The following BDP1 variants were observed in gnomAD, a reference collection of about 807,000 sequenced individuals.
BDP1 encodes the protein transcription factor TFIIIB component B'' homolog.
BDP1 carries 169 observed loss-of-function variants against 266.6 expected under a neutral mutation model. The observed-to-expected ratio is 0.63, with a 90% CI of 0.56 to 0.72. The LOEUF is 0.72. Ranked by LOEUF, BDP1 falls within the 30% of genes least tolerant of loss-of-function variation. BDP1 has a pLI of 0.00. For missense variants in BDP1, 3,015 were observed against 3,053.8 expected (o/e 0.99, Z 0.30); for synonymous variants, 1,090 against 1,022.4 (o/e 1.07, Z -1.26).
Position 71,512,222 on chromosome 5 carries a change from A to C in BDP1, c.4060-19A>C. On this transcript the variant is annotated intron_variant, in intron 17 of 38. Transcript: ENST00000358731. ...AATACTCTTTTATTTGTGCTGATTT[A>C]CTATGACTGTTCCTCTAGAACATTA... 1 of 1,335,644 alleles carries C rather than the reference A, an allele frequency of 7.5e-7. No homozygotes were observed. Among genetic ancestry groups the C allele is most frequent in the Non-Finnish European group, 9.9e-7 (1 of 1,012,426 alleles). The allele number at this position is 1,335,644 out of a possible 1,614,324, so 82.7% of individuals were successfully genotyped here. A position where few individuals can be genotyped will look rare whatever the true frequency, so the allele number is the denominator to read the frequency against.
intron 26 of BDP1, among the ~76,000 whole-genome samples, chr5:71,536,542 A>G (rs550254420): frequency 6.6e-6 from 1 of 152,342 alleles, no homozygotes; most frequent in East Asian, 1.9e-4. Flanking sequence ...CAATTCTGCT[A>G]AAAAACAACA....
rs1327624807 is a variant in BDP1 at position 71,524,640 on chromosome 5, A to T, written c.5772+317A>T. On this transcript the variant is annotated intron_variant, in intron 25 of 38. Coordinates refer to ENST00000358731, the MANE Select transcript of BDP1 (RefSeq NM_018429.3). The stretch of plus-strand genomic sequence containing the variant: ...TTTATTTTTTATTTATTTATTTTTT[A>T]TTTATTTTTTTTTATTGATCATTCT... Among the ~76,000 whole-genome samples, 20 of 115,788 alleles carry T rather than the reference A, an allele frequency of 1.7e-4. 1 individual carries two copies. The highest frequency in any genetic ancestry group is 4.2e-4 in the African/African-American group (14 of 33,322). The allele number at this position is 115,788 out of a possible 152,430, so 76.0% of individuals were successfully genotyped here.
Position 71,560,070 on chromosome 5 carries a change from T to C in BDP1, c.7329T>C (p.Ala2443=), listed in dbSNP as rs1162920441. 1 of 1,614,058 alleles carries C rather than the reference T, an allele frequency of 6.2e-7. No homozygotes were observed. The highest frequency in any genetic ancestry group is 8.5e-7 in the Non-Finnish European group (1 of 1,180,006). The change falls in exon 37 of 39, where the codon GCT becomes GCC. Residue 2443 remains alanine, a synonymous_variant. Coordinates refer to ENST00000358731, the MANE Select transcript of BDP1 (RefSeq NM_018429.3). ...PEPQRQQVEA[A]FQSRGSRSPD... is the part of the protein sequence containing the mutation. The stretch of plus-strand genomic sequence containing the variant: ...CTCAAAGACAGCAAGTTGAAGCAGC[T>C]TTTCAGAGTAGAGGATCTAGATCTC...
At chr5:71,482,643 C>T (rs1006523906) in intron 7 of BDP1, among the ~76,000 whole-genome samples, 1 of 151,976 alleles carries the variant, frequency 6.6e-6, no homozygotes, top group African/African-American at 2.4e-5. Context: ...ATTATATTAC[C>T]AATTAAGTAA....
chr5:71,507,599 A>T (rs1764651581), intron 16 of BDP1, among the ~76,000 whole-genome samples: 1 of 152,230 alleles, frequency 6.6e-6, no homozygotes, highest in South Asian at 2.1e-4. Context: ...AGTTTATTTT[A>T]TCTCTTCCCA....
intron 18 of BDP1, among the ~76,000 whole-genome samples, chr5:71,512,787 G>A (rs1764997726): frequency 6.6e-6 from 1 of 152,102 alleles, no homozygotes; most frequent in Non-Finnish European, 1.5e-5. Flanking sequence ...AAGTATGGTG[G>A]CTCACACCTG....
intron 19 of BDP1, among the ~76,000 whole-genome samples, chr5:71,514,506 A>G (rs1490335830): frequency 6.6e-6 from 1 of 152,142 alleles, no homozygotes; most frequent in African/African-American, 2.4e-5. Flanking sequence ...ATGGGAAGGT[A>G]TTTTTATTGT....
Position 71,516,101 on chromosome 5 carries a change from A to G in BDP1, c.4690A>G (p.Ser1564Gly). ...VNTFQQEMKESVIQTARQVRG... is the reference protein window; with the variant it reads ...VNTFQQEMKEGVIQTARQVRG... ...CACTTTCCAGCAAGAAATGAAGGAA[A>G]GTGTTATCCAAACTGCTCGACAAGT... The change falls in exon 21 of 39, where the codon AGT (serine) becomes GGT (glycine). Residue 1564 changes from serine (S) to glycine (G), a missense_variant. Physicochemically the swap from Ser to Gly is moderately conservative, Grantham distance 56. Transcript: ENST00000358731. 6.2e-7 allele frequency: 1 copy of G among 1,611,244 alleles called. No individual in the cohort carries two copies. The highest frequency in any genetic ancestry group is 8.5e-7 in the Non-Finnish European group (1 of 1,178,464).
intron 8 of BDP1, among the ~76,000 whole-genome samples, chr5:71,484,982 T>C (rs1763174124): frequency 6.6e-6 from 1 of 152,178 alleles, no homozygotes; most frequent in African/African-American, 2.4e-5. Flanking sequence ...GAATGGCTCT[T>C]AGAAGATCTG....
intron 27 of BDP1, among the ~76,000 whole-genome samples, chr5:71,539,339 TG>T (rs1241271224): frequency 6.6e-6 from 1 of 152,174 alleles, no homozygotes; most frequent in Non-Finnish European, 1.5e-5. Context: ...TATTATTTAA[TG>T]GGAGGGAGGC....
At chr5:71,558,832 C>CA (rs35755125) in intron 36 of BDP1, among the ~76,000 whole-genome samples, 200 of 133,818 alleles carry the variant, frequency 1.5e-3, no homozygotes, top group Middle Eastern at 8.5e-3. Context: ...GTCTCAAAAA[C>CA]AAAAAAAAAA....
At chr5:71,530,020 A>G (rs1766134329) in intron 25 of BDP1, among the ~76,000 whole-genome samples, 4 of 152,240 alleles carry the variant, frequency 2.6e-5, no homozygotes, top group Admixed American at 2.6e-4. Flanking sequence ...ATATCCCAAA[A>G]TACATTGAAT....
chr5:71,526,931 C>G (rs533476295), intron 25 of BDP1, among the ~76,000 whole-genome samples: 21 of 152,112 alleles, frequency 1.4e-4, no homozygotes, highest in Non-Finnish European at 2.8e-4. Flanking sequence ...AGCAATCCAC[C>G]TGCCTCGGCC....
At position 71,455,831 on chromosome 5, in the gene BDP1, G is replaced by T; in HGVS notation, c.-47G>T. 1 of 1,509,034 alleles carries T rather than the reference G, an allele frequency of 6.6e-7. No individual in the cohort carries two copies. The highest frequency in any genetic ancestry group is 8.9e-7 in the Non-Finnish European group (1 of 1,118,386). The allele number at this position is 1,509,034 out of a possible 1,614,324, so 93.5% of individuals were successfully genotyped here. ...TTCCGGGCAGCCGCCGGGGCTCGGGGCTGTGAGCGGCCGTGAGGCTGCCTC... is the reference window on the plus strand; with the variant it reads ...TTCCGGGCAGCCGCCGGGGCTCGGGTCTGTGAGCGGCCGTGAGGCTGCCTC... On this transcript the variant is annotated 5_prime_UTR_variant, in exon 1 of 39. Coordinates refer to ENST00000358731, the MANE Select transcript of BDP1 (RefSeq NM_018429.3).
intron 22 of BDP1, among the ~76,000 whole-genome samples, chr5:71,522,040 T>C (rs913948123): frequency 6.6e-6 from 1 of 152,186 alleles, no homozygotes; most frequent in Non-Finnish European, 1.5e-5. Context: ...AAATGAAAGT[T>C]TAAAAAGATT....
In BDP1 at chr5:71,512,231, G is replaced by A. The variant is rs376317190; in HGVS notation, c.4060-10G>A. On this transcript the variant is annotated splice_polypyrimidine_tract_variant and intron_variant, in intron 17 of 38. Coordinates refer to ENST00000358731, the MANE Select transcript of BDP1 (RefSeq NM_018429.3). ...TTATTTGTGCTGATTTACTATGACTGTTCCTCTAGAACATTAGCAGTGAAG... is the reference window on the plus strand; with the variant it reads ...TTATTTGTGCTGATTTACTATGACTATTCCTCTAGAACATTAGCAGTGAAG... 8.0e-5 allele frequency: 111 copies of A among 1,394,682 alleles called. No individual in the cohort carries two copies. In the African/African-American group the frequency reaches 1.5e-3, roughly 18 times the overall value. The allele number at this position is 1,394,682 out of a possible 1,614,324, so 86.4% of individuals were successfully genotyped here. A position where few individuals can be genotyped will look rare whatever the true frequency, so the allele number is the denominator to read the frequency against.
In BDP1 at chr5:71,510,000, A is replaced by T; in HGVS notation, c.2908A>T (p.Thr970Ser). ...TGNESSPREK[T>S]PEVTDATEEI... ...AAATGAGAGTTCCCCAAGGGAGAAG[A>T]CACCAGAGGTGACTGATGCCACTGA... The change falls in exon 17 of 39, where the codon ACA (threonine) becomes TCA (serine). Residue 970 changes from threonine (T) to serine (S), a missense_variant. Physicochemically the swap from Thr to Ser is moderately conservative, Grantham distance 58. Coordinates refer to ENST00000358731, the MANE Select transcript of BDP1 (RefSeq NM_018429.3). 1 of 1,613,710 alleles carries T rather than the reference A, an allele frequency of 6.2e-7. No individual in the cohort carries two copies.
rs1580196613 is a variant in BDP1 at position 71,548,549 on chromosome 5, T to A, written c.6745-133T>A. The A allele has an allele frequency of 2.7e-5, 17 of 622,496 alleles. No individual in the cohort carries two copies. The East Asian group carries it at 4.3e-4, about 16-fold the overall frequency. The allele number at this position is 622,496 out of a possible 1,614,324, so 38.6% of individuals were successfully genotyped here. On this transcript the variant is annotated intron_variant, in intron 32 of 38. Transcript: ENST00000358731. ...AAAGTTTATTGGAACAGCCTAAAGC[T>A]TCAAACACTTGAAAACTGTATATGG... is the stretch of plus-strand genomic sequence containing the variant.
At chr5:71,527,608 G>A (rs913651810) in intron 25 of BDP1, among the ~76,000 whole-genome samples, 2 of 151,858 alleles carry the variant, frequency 1.3e-5, no homozygotes, top group Non-Finnish European at 2.9e-5. Flanking sequence ...CTTCATTTTC[G>A]AGGTTCAATA....
Sources: allele counts gnomAD v4.1 joint callset (sites outside exome capture counted in the v4.1 genomes callset), GRCh38; gene constraint gnomAD v4.1.1; transcripts MANE v1.5; gene names NCBI Gene and HGNC (gene_info 2026-07-23, HGNC 2026-07-21).